COL18A1: variants seen among roughly 807,000 people sequenced by gnomAD.
COL18A1 encodes collagen type XVIII alpha 1 chain, also known as collagen alpha-1(XVIII) chain.
A neutral mutation model predicts 168.0 loss-of-function variants in COL18A1; 133 were observed. The ratio of observed to expected loss-of-function variants is 0.79; its 90% CI spans 0.69 to 0.91. The LOEUF (loss-of-function observed/expected upper bound fraction) is 0.91. COL18A1 is among the 40% of genes least tolerant of loss of function. The pLI is 0.00. For synonymous variants in COL18A1, 949 were observed against 809.0 expected (o/e 1.17, Z -2.94); for missense variants, 2,126 against 1,925.4 (o/e 1.10, Z -1.95).
At chr21:45,414,460 G>A (rs2033385593) in intron 2 of COL18A1, among the ~76,000 whole-genome samples, 1 of 152,234 alleles carries the variant, frequency 6.6e-6, no homozygotes, top group Non-Finnish European at 1.5e-5. Flanking sequence ...GTTGTGGGAG[G>A]TTTGGAAACC....
intron 2 of COL18A1, among the ~76,000 whole-genome samples, chr21:45,410,653 C>G (rs1028500647): frequency 7.2e-5 from 11 of 152,256 alleles, no homozygotes; most frequent in African/African-American, 2.4e-4. Flanking sequence ...GCAGTTAGGC[C>G]TCTCTGGAAT....
intron 8 of COL18A1, 27 bp from the exon 9 acceptor site, chr21:45,478,300 C>T (rs2035756035): frequency 6.2e-7 from 1 of 1,613,956 alleles, no homozygotes; most frequent in African/African-American, 1.3e-5. Flanking sequence ...CATTTCCCAT[C>T]ACTAATGGCT....
At position 45,405,285 on chromosome 21, in the gene COL18A1, C is replaced by CGGCTGCGGGGGCTGCGG. The variant is rs1555966492; in HGVS notation, c.11+55_11+56insCTGCGGGGCTGCGGGGG. On this transcript the variant is annotated intron_variant, in intron 1 of 41. Coordinates refer to ENST00000651438, the MANE Select transcript of COL18A1 (RefSeq NM_001379500.1). ...GCAGGGGTTGGGGGACGCCAAGATG[C>CGGCTGCGGGGGCTGCGG]GGCTGCGGGGGTCGCGGGGGTCGCG... 28,733 of 282,760 alleles carry CGGCTGCGGGGGCTGCGG rather than the reference C, an allele frequency of 0.1. 1,714 individuals carry two copies. The highest frequency in any genetic ancestry group is 0.11 in the Non-Finnish European group (21,307 of 195,638). The allele number at this position is 282,760 out of a possible 1,614,324, so 17.5% of individuals were successfully genotyped here.
intron 15 of COL18A1, among the ~76,000 whole-genome samples, chr21:45,484,288 G>A (rs1402690002): frequency 1.5e-5 from 2 of 135,204 alleles, no homozygotes; most frequent in Non-Finnish European, 3.1e-5. Context: ...CACATCTCCA[G>A]CATATGTGCA....
chr21:45,468,590 G>T lies in COL18A1; in HGVS notation c.455G>T (p.Ser152Ile), dbSNP rs1008266515. 1.9e-6 allele frequency: 3 copies of T among 1,613,716 alleles called. No homozygotes were observed. Residue 152 changes from serine to isoleucine, a missense_variant, in exon 3 of 42, where the codon AGC becomes ATC. Coordinates refer to ENST00000651438, the MANE Select transcript of COL18A1 (RefSeq NM_001379500.1). ...PGAGQTHTAA[S>I]FRLPAFVGQW... ...GCAGGCCAGACCCACACAGCCGCCA[G>T]CTTCCGGCTCCCCGCCTTCGTCGGC...
Position 45,479,384 on chromosome 21 carries a change from G to A in COL18A1, c.1249-518G>A, listed in dbSNP as rs535593206. Among the ~76,000 whole-genome samples the A allele has an allele frequency of 3.6e-3, 544 of 150,706 alleles. 2 individuals are homozygous for A. Among genetic ancestry groups the A allele is most frequent in the African/African-American group, 0.012 (508 of 40,892 alleles). ...GTGTGCACACACACCACAGGTGGAC[G>A]CATGCACACATGCTACACGCACGTG... is the stretch of plus-strand genomic sequence containing the variant. On this transcript the variant is annotated intron_variant, in intron 9 of 41. Transcript: ENST00000651438.
At chr21:45,481,502 C>T (rs1340200984) in intron 13 of COL18A1, among the ~76,000 whole-genome samples, 3 of 152,306 alleles carry the variant, frequency 2.0e-5, no homozygotes, top group South Asian at 2.1e-4. Flanking sequence ...CATGACATGC[C>T]CCTGCCTCCG....
chr21:45,504,609 G>A, intron 34 of COL18A1, 53 bp downstream of exon 34: 1 of 1,512,058 alleles, frequency 6.6e-7, no homozygotes, highest in Admixed American at 2.0e-5. Flanking sequence ...CTGGGTGCAG[G>A]AGCCGAGGGC....
At chr21:45,496,985 T>C in intron 30 of COL18A1, 65 bp from the exon 31 acceptor site, 1 of 1,118,800 alleles carries the variant, frequency 8.9e-7, no homozygotes, top group Admixed American at 1.7e-5. Flanking sequence ...TGGGGACCCC[T>C]GAGTGGTGGT....
chr21:45,437,302 TCA>T (rs1243700394), intron 2 of COL18A1, among the ~76,000 whole-genome samples: 1 of 29,138 alleles, frequency 3.4e-5, no homozygotes, highest in Non-Finnish European at 6.3e-5. Context: ...ACACACACAC[TCA>T]CACAGGCACT....
At chr21:45,486,667 G>T (rs1299111909) in intron 15 of COL18A1, among the ~76,000 whole-genome samples, 194 bp from the exon 16 acceptor site, 2 of 152,264 alleles carry the variant, frequency 1.3e-5, no homozygotes, top group African/African-American at 4.8e-5. Context: ...CCTCAGTTGT[G>T]TTTCTGTGTG....
intron 2 of COL18A1, among the ~76,000 whole-genome samples, chr21:45,458,317 A>G (rs1288215937): frequency 8.6e-6 from 1 of 115,822 alleles, no homozygotes; most frequent in Admixed American, 9.2e-5. Context: ...GACCGTGCCC[A>G]CGGCTGTTGG....
rs1011001938 is a variant in COL18A1 at position 45,425,275 on chromosome 21, G to A, written c.106+19802G>A. On this transcript the variant is annotated intron_variant, in intron 2 of 41. Transcript: ENST00000651438. The surrounding 1 kb of genome is among the most constrained non-coding windows in gnomAD (Gnocchi z 4.1). ...CCCCGGACACGCCTGTTGGAGCCCC[G>A]GCCGTGTGTGTGTGTGTGCTGTGAG... Among the ~76,000 whole-genome samples, 4 of 151,810 alleles carry A rather than the reference G, an allele frequency of 2.6e-5. No homozygotes were observed. The highest frequency in any genetic ancestry group is 1.3e-4 in the Admixed American group (2 of 15,254).
intron 2 of COL18A1, among the ~76,000 whole-genome samples, chr21:45,445,732 G>C (rs2034490008): frequency 6.6e-6 from 1 of 152,008 alleles, no homozygotes; most frequent in Non-Finnish European, 1.5e-5. Context: ...TGTCTTTCTT[G>C]GCGATCTGTA....
intron 5 of COL18A1, among the ~76,000 whole-genome samples, 195 bp downstream of exon 5, chr21:45,475,730 C>T (rs2035623499): frequency 6.7e-6 from 1 of 148,974 alleles, no homozygotes; most frequent in African/African-American, 2.6e-5. Flanking sequence ...CCGCTCCGGC[C>T]CTGCCTGGCC....
intron 2 of COL18A1, among the ~76,000 whole-genome samples, chr21:45,448,246 A>G (rs1440340753): frequency 6.6e-6 from 1 of 151,810 alleles, no homozygotes; most frequent in Non-Finnish European, 1.5e-5. Context: ...CACTTGCCAC[A>G]TTTTTCCCAG....
intron 13 of COL18A1, 134 bp downstream of exon 13, chr21:45,480,992 C>A: frequency 7.4e-7 from 1 of 1,350,504 alleles, no homozygotes; most frequent in Non-Finnish European, 1.0e-6. Flanking sequence ...CCTCTAGGAG[C>A]TGGCGGGCAG....
At chr21:45,491,498 C>T (rs987755138) in intron 22 of COL18A1, among the ~76,000 whole-genome samples, 184 bp downstream of exon 22, 5 of 51,956 alleles carry the variant, frequency 9.6e-5, no homozygotes, top group Non-Finnish European at 2.2e-4. Context: ...CCTGGGGAGC[C>T]CAGCTCCATG....
At chr21:45,508,781 G>A (rs932067466) in intron 38 of COL18A1, among the ~76,000 whole-genome samples, 8 of 152,174 alleles carry the variant, frequency 5.3e-5, no homozygotes, top group Admixed American at 2.0e-4. Context: ...GGGTGGCCAT[G>A]GATATTGCCC....
Sources: allele counts gnomAD v4.1 joint callset (sites outside exome capture counted in the v4.1 genomes callset), GRCh38; gene constraint gnomAD v4.1.1; non-coding constraint Gnocchi (gnomAD v3.1); transcripts MANE v1.5; gene names NCBI Gene and HGNC (gene_info 2026-07-23, HGNC 2026-07-21).